The following PLA2G4F variants were observed in gnomAD, a reference collection of about 807,000 sequenced individuals.
PLA2G4F encodes phospholipase A2 group IVF.
In PLA2G4F, 105 loss-of-function variants were observed where a neutral mutation model predicts 103.1. That is an observed-to-expected ratio of 1.02 (90% confidence interval 0.87 to 1.20). The LOEUF is 1.20. PLA2G4F is among the 50% of genes most tolerant of loss of function. The probability of loss-of-function intolerance (pLI) is 0.00; values close to 1 mark genes in which losing one functional copy is unlikely to be tolerated. For synonymous variants in PLA2G4F, 468 were observed against 441.1 expected (o/e 1.06, Z -0.76); for missense variants, 1,155 against 1,075.9 (o/e 1.07, Z -1.03).
chr15:42,153,225 G>A, intron 6 of PLA2G4F, 75 bp downstream of exon 6: 4 of 1,494,166 alleles, frequency 2.7e-6, no homozygotes, highest in East Asian at 2.3e-5. Context: ...AGGCAACTGG[G>A]CCTGATGGGC....
chr15:42,154,694 G>A (rs1191678933), intron 2 of PLA2G4F, among the ~76,000 whole-genome samples: 2 of 152,140 alleles, frequency 1.3e-5, no homozygotes, highest in Non-Finnish European at 2.9e-5. Flanking sequence ...AAGATCCCAT[G>A]GCAGCACAGA....
Position 42,142,407 on chromosome 15 carries a change from C to T in PLA2G4F, c.2329+121G>A, listed in dbSNP as rs1256042920. On this transcript the variant is annotated intron_variant, in intron 19 of 19. Coordinates refer to ENST00000397272, the MANE Select transcript of PLA2G4F (RefSeq NM_213600.4). ...CCAGGGAGCAGAGGGCCACAGGGGC[C>T]AGCTCAGGCCCACCAGGAGGCGTGC... 1.2e-5 allele frequency: 16 copies of T among 1,298,674 alleles called. No individual in the cohort carries two copies. In the Admixed American group the frequency reaches 4.3e-4, roughly 35 times the overall value. 80.4% of individuals were successfully genotyped at this position (1,298,674 alleles called of 1,614,324 possible).
rs368423966 is a variant in PLA2G4F at position 42,142,657 on chromosome 15, C to T, written c.2200G>A (p.Glu734Lys). 2.0e-5 allele frequency: 32 copies of T among 1,613,978 alleles called. No homozygotes were observed. In the East Asian group the frequency reaches 2.0e-4, roughly 10 times the overall value. ...LDRGIPFPSIEVGPEDMEEAR... is the reference protein window; with the variant it reads ...LDRGIPFPSIKVGPEDMEEAR... The stretch of plus-strand genomic sequence containing the variant: ...TCCTCCATGTCCTCAGGGCCCACCT[C>T]GATGCTAGGGAAGGGGATTCCTCGG... Residue 734 changes from glutamate (E) to lysine (K), a missense_variant, in exon 19 of 20, where the codon GAG becomes AAG. Physicochemically the swap from Glu to Lys is moderately conservative, Grantham distance 56. Coordinates refer to ENST00000397272, the MANE Select transcript of PLA2G4F (RefSeq NM_213600.4).
chr15:42,152,662 G>T, intron 7 of PLA2G4F, 26 bp downstream of exon 7: 1 of 1,552,488 alleles, frequency 6.4e-7, no homozygotes, highest in Non-Finnish European at 8.7e-7. Context: ...GAAGGCAAAA[G>T]ACCCAAGGCC....
chr15:42,153,576 C>G (rs1458313175), intron 5 of PLA2G4F, 44 bp downstream of exon 5: 4 of 1,612,132 alleles, frequency 2.5e-6, no homozygotes, highest in Non-Finnish European at 3.4e-6. Flanking sequence ...TGCCCTGACT[C>G]AAATCTCTGA....
At position 42,142,045 on chromosome 15, in the gene PLA2G4F, A is replaced by G; in HGVS notation, c.2489T>C (p.Leu830Ser). ...RYNVLNNVET[L>S]KCALQLALDR... is the part of the protein sequence containing the mutation. ...CAGAGCCAGCTGGAGGGCGCACTTCAAGGTCTCCACGTTGTTCAGGACGTT... is the reference window on the plus strand; with the variant it reads ...CAGAGCCAGCTGGAGGGCGCACTTCGAGGTCTCCACGTTGTTCAGGACGTT... Residue 830 changes from leucine (L) to serine (S), a missense_variant, in exon 20 of 20, where the codon TTG (leucine) becomes TCG (serine). Physicochemically the swap from Leu to Ser is moderately radical, Grantham distance 145 (BLOSUM62 -2). Coordinates refer to ENST00000397272, the MANE Select transcript of PLA2G4F (RefSeq NM_213600.4). 1.2e-6 allele frequency: 2 copies of G among 1,614,140 alleles called. No homozygotes were observed. The highest frequency in any genetic ancestry group is 1.7e-6 in the Non-Finnish European group (2 of 1,180,034).
intron 4 of PLA2G4F, 132 bp downstream of exon 4, chr15:42,153,960 G>C (rs622714): frequency 0.1 from 145,273 of 1,397,938 alleles, 21,069 homozygotes; most frequent in African/African-American, 0.62. Flanking sequence ...CCTTTATAGG[G>C]TCAGGGCTGC....
chr15:42,156,302 C>A, intron 1 of PLA2G4F, 137 bp downstream of exon 1: 1 of 630,098 alleles, frequency 1.6e-6, no homozygotes, highest in Non-Finnish European at 2.8e-6. Context: ...AATTTAAGCT[C>A]TGCCAGGTCA....
At chr15:42,144,898 A>G (rs1010661472) in intron 16 of PLA2G4F, among the ~76,000 whole-genome samples, 1 of 150,394 alleles carries the variant, frequency 6.6e-6, no homozygotes, top group Non-Finnish European at 1.5e-5. Flanking sequence ...CACCCTTCCT[A>G]AAATAAAGTT....
chr15:42,154,941 T>TCACACACACACTCTTGCACTCATG (rs1175471301), intron 2 of PLA2G4F, among the ~76,000 whole-genome samples: 2 of 152,000 alleles, frequency 1.3e-5, no homozygotes, highest in Non-Finnish European at 2.9e-5. Context: ...ACTCTTGCAC[T>TCACACACACACTCTTGCACTCATG]CACACACACA....
chr15:42,149,359 C>T (rs2048928564), intron 11 of PLA2G4F: 2 of 592,572 alleles, frequency 3.4e-6, no homozygotes, highest in South Asian at 7.5e-5. Context: ...CACATGAGGA[C>T]ATGGCGAGAC....
In PLA2G4F at chr15:42,144,465, A is replaced by G; in HGVS notation, c.1960T>C (p.Phe654Leu). The G allele has an allele frequency of 3.1e-6, 5 of 1,611,828 alleles. No individual in the cohort carries two copies. The highest frequency in any genetic ancestry group is 4.2e-6 in the Non-Finnish European group (5 of 1,179,952). Reference protein sequence around the residue: ...LHKDYVAGREFVAWKDTHPDA... With the variant: ...LHKDYVAGRELVAWKDTHPDA... ...CAGCACCCACCTTTCCAGGCCACGAACTCCCTGCCAGCCACATAGTCCTTG... is the reference window on the plus strand; with the variant it reads ...CAGCACCCACCTTTCCAGGCCACGAGCTCCCTGCCAGCCACATAGTCCTTG... Residue 654 changes from phenylalanine (F) to leucine (L), a missense_variant, in exon 17 of 20, where the codon TTC (phenylalanine) becomes CTC (leucine). By Grantham distance (22) the Phe-to-Leu change is conservative. This residue lies in a region of PLA2G4F where 782 missense variants were observed against 692.9 expected (regional missense o/e 1.13). Transcript: ENST00000397272.
chr15:42,147,735 C>T lies in PLA2G4F; in HGVS notation c.1087G>A (p.Gly363Arg), dbSNP rs766348598. The change falls in exon 12 of 20, where the codon GGG becomes AGG. Residue 363 changes from glycine (G) to arginine (R), a missense_variant. Gly to Arg is a moderately radical substitution (Grantham distance 125). This residue lies in a region of PLA2G4F where 782 missense variants were observed against 692.9 expected (regional missense o/e 1.13). Transcript: ENST00000397272. ...QVPVVAVLGSGGGTRAMSSLY... is the reference protein window; with the variant it reads ...QVPVVAVLGSRGGTRAMSSLY... ...GAAGACATGGCTCGGGTTCCACCCCCGGAACCCAACACAGCCACTACAGGC... is the reference window on the plus strand; with the variant it reads ...GAAGACATGGCTCGGGTTCCACCCCTGGAACCCAACACAGCCACTACAGGC... 1.8e-5 allele frequency: 29 copies of T among 1,613,614 alleles called. No individual in the cohort carries two copies. Among genetic ancestry groups the T allele is most frequent in the South Asian group, 6.6e-5 (6 of 91,080 alleles).
intron 2 of PLA2G4F, 163 bp from the exon 3 acceptor site, chr15:42,154,621 C>T: frequency 1.4e-6 from 1 of 722,902 alleles, no homozygotes; most frequent in Non-Finnish European, 2.1e-6. Context: ...ATGTCTTTCA[C>T]TCCATCTTGA....
intron 18 of PLA2G4F, among the ~76,000 whole-genome samples, chr15:42,143,176 T>TG (rs1434516088): frequency 2.2e-5 from 2 of 89,698 alleles, no homozygotes; most frequent in South Asian, 5.6e-4. Flanking sequence ...AGACTCCATC[T>TG]AAAAAAAAAA....
At position 42,150,075 on chromosome 15, in the gene PLA2G4F, A is replaced by G. The variant is rs749562399; in HGVS notation, c.923+29T>C. On this transcript the variant is annotated intron_variant, in intron 10 of 19. Transcript: ENST00000397272. ...TCCCCGCACTTCTAGCCCAGCCCCA[A>G]GAGGCCTTCTGCCTGGAGTCCCACT... 23 of 1,613,954 alleles carry G rather than the reference A, an allele frequency of 1.4e-5. No individual in the cohort carries two copies. The African/African-American group carries it at 2.7e-4, about 19-fold the overall frequency.
intron 11 of PLA2G4F, chr15:42,149,234 G>A (rs1229637124): frequency 2.2e-6 from 2 of 905,044 alleles, no homozygotes; most frequent in East Asian, 2.4e-4. Context: ...CTACAAGGAG[G>A]TAATAAAGGT....
intron 11 of PLA2G4F, chr15:42,149,381 G>A: frequency 1.5e-6 from 1 of 657,998 alleles, no homozygotes; most frequent in Non-Finnish European, 1.9e-6. Context: ...GCTCCACCAG[G>A]AAGAGGAGAG....
intron 14 of PLA2G4F, 88 bp from the exon 15 acceptor site, chr15:42,145,991 G>GGAA (rs2141128512): frequency 1.9e-6 from 3 of 1,591,788 alleles, no homozygotes; most frequent in East Asian, 4.5e-5. Flanking sequence ...GACAATGACA[G>GGAA]GAAGAAGCAG....
Sources: gnomAD v4.1 joint callset for allele counts (sites outside exome capture counted in the v4.1 genomes callset) on GRCh38, gnomAD v4.1.1 for gene constraint, gnomAD v4.1.1 regional missense constraint, MANE v1.5 for transcripts, NCBI Gene and HGNC (gene_info 2026-07-23, HGNC 2026-07-21) for gene names.